Variants in GET1 observed in about 807,000 individuals in gnomAD.
GET1 encodes guided entry of tail-anchored proteins factor 1, also known as congenital heart disease 5 protein.
In GET1, 20 loss-of-function variants were observed where a neutral mutation model predicts 22.6. The observed-to-expected ratio is 0.89, with a 90% confidence interval of 0.62 to 1.29. The LOEUF is 1.29. GET1 is among the 50% of genes most tolerant of loss of function. The pLI is 0.00. For missense variants in GET1, 209 were observed against 219.9 expected (o/e 0.95, Z 0.31); for synonymous variants, 92 against 83.8 (o/e 1.10, Z -0.53).
chr21:39,411,946 C>T (rs2040156489), intron 1 of GET1: 2 of 535,724 alleles, frequency 3.7e-6, no homozygotes, highest in Non-Finnish European at 6.8e-6. Context: ...CCATATCATC[C>T]TATACCATTC....
chr21:39,409,654 A>G (rs914035044), downstream of GET1, among the ~76,000 whole-genome samples: 1 of 152,038 alleles, frequency 6.6e-6, no homozygotes, highest in African/African-American at 2.4e-5. This position sits in a 1 kb window ranked among gnomAD's most constrained non-coding sequence, Gnocchi z 4.2. Context: ...GTGCAGTGGC[A>G]CGATCTTGGC....
At chr21:39,396,249 G>T (rs935575515) in intron 4 of GET1, among the ~76,000 whole-genome samples, 1 of 152,076 alleles carries the variant, frequency 6.6e-6, no homozygotes, top group South Asian at 2.1e-4. Flanking sequence ...TACAAAATTA[G>T]CCGGGTGTCG....
At chr21:39,396,112 C>T (rs1328485266) in intron 4 of GET1, among the ~76,000 whole-genome samples, 1 of 152,118 alleles carries the variant, frequency 6.6e-6, no homozygotes, top group Non-Finnish European at 1.5e-5. Context: ...GTGACAAATT[C>T]GGGCTGGGAA....
chr21:39,398,154 G>C (rs1168270336), downstream of GET1, among the ~76,000 whole-genome samples: 1 of 152,212 alleles, frequency 6.6e-6, no homozygotes, highest in African/African-American at 2.4e-5. Flanking sequence ...CTGGACACCA[G>C]CTTCCAGTGT....
chr21:39,408,166 C>CA (rs1424111685), downstream of GET1, among the ~76,000 whole-genome samples: 1 of 152,184 alleles, frequency 6.6e-6, no homozygotes, highest in African/African-American at 2.4e-5. Flanking sequence ...GGTAATGTAA[C>CA]ATGAAAACAA....
At chr21:39,422,603 T>A in intron 1 of GET1, 1 of 321,466 alleles carries the variant, frequency 3.1e-6, no homozygotes, top group Non-Finnish European at 5.6e-6. Context: ...ATCAACAGTT[T>A]AAGGTAGAGG....
chr21:39,383,237 T>A (rs553721590), intron 1 of GET1, among the ~76,000 whole-genome samples: 1,840 of 149,816 alleles, frequency 0.012, 18 homozygotes, highest in Middle Eastern at 0.022. Flanking sequence ...TACAGGCTTG[T>A]GCCACCGCGC....
intron 1 of GET1, among the ~76,000 whole-genome samples, chr21:39,416,536 T>TA (rs2041191125): frequency 6.6e-6 from 1 of 152,212 alleles, no homozygotes; most frequent in Admixed American, 6.5e-5. Flanking sequence ...ATATGGAACT[T>TA]ACAGACCATA....
chr21:39,384,102 T>C (rs920494442), intron 1 of GET1, among the ~76,000 whole-genome samples: 1 of 152,000 alleles, frequency 6.6e-6, no homozygotes, highest in Non-Finnish European at 1.5e-5. Flanking sequence ...CATTTTAGTT[T>C]TGATTTGCAT....
At chr21:39,380,714 C>T (rs2037502754) in intron 1 of GET1, 2 of 1,294,458 alleles carry the variant, frequency 1.5e-6, no homozygotes, top group Non-Finnish European at 2.0e-6. Context: ...CCGGGCAACC[C>T]TGGACTCTTC....
chr21:39,409,767 A>G (rs140310040), downstream of GET1, among the ~76,000 whole-genome samples: 1,069 of 152,008 alleles, frequency 7.0e-3, 3 homozygotes, highest in Non-Finnish European at 0.011. The surrounding 1 kb of genome is among the most constrained non-coding windows in gnomAD (Gnocchi z 4.2). Context: ...TAAGTTTTGT[A>G]TTTTTTAGTA....
intron 1 of GET1, among the ~76,000 whole-genome samples, chr21:39,382,085 C>T (rs1188535161): frequency 1.3e-5 from 2 of 149,688 alleles, no homozygotes; most frequent in African/African-American, 4.9e-5. Context: ...GACAGAGTCT[C>T]ACTCTGTTGC....
intron 1 of GET1, among the ~76,000 whole-genome samples, chr21:39,427,153 C>T (rs1415195348): frequency 1.3e-5 from 2 of 152,148 alleles, no homozygotes; most frequent in African/African-American, 4.8e-5. Flanking sequence ...AACAGCAGGC[C>T]CTTTATTGTC....
intron 1 of GET1, chr21:39,380,759 G>A: frequency 8.6e-7 from 1 of 1,167,906 alleles, no homozygotes; most frequent in Non-Finnish European, 1.1e-6. Flanking sequence ...CTCACACTGG[G>A]AGTTCCTAGT....
rs144572409 is a variant in GET1, at chr21:39,390,902, G to A, written c.268+39G>A. ...TGCAGCCTGGAGGCTTCATGAGAGCGGATGAATAGAGAAGTCTGTATGTGA... is the reference window on the plus strand; with the variant it reads ...TGCAGCCTGGAGGCTTCATGAGAGCAGATGAATAGAGAAGTCTGTATGTGA... On this transcript the variant is annotated intron_variant, in intron 2 of 4. Coordinates refer to ENST00000649170, the MANE Select transcript of GET1 (RefSeq NM_004627.6). The A allele has an allele frequency of 3.0e-4, 482 of 1,607,970 alleles. 5 individuals are homozygous for A. The African/African-American group carries it at 4.9e-3, about 16-fold the overall frequency.
At position 39,391,767 on chromosome 21, in the gene GET1, A is replaced by C; in HGVS notation, c.269-2A>C. On this transcript the variant is annotated splice_acceptor_variant, in intron 2 of 4. Transcript: ENST00000649170. LOFTEE classifies it high-confidence loss of function. ...AATTATTTATCCTGTTTTTCCTTTCAGTGAAAGCTCGGACAGCTCAATTAG... is the reference window on the plus strand; with the variant it reads ...AATTATTTATCCTGTTTTTCCTTTCCGTGAAAGCTCGGACAGCTCAATTAG... 6.2e-7 allele frequency: 1 copy of C among 1,613,642 alleles called. No individual in the cohort carries two copies. Among genetic ancestry groups the C allele is most frequent in the Non-Finnish European group, 8.5e-7 (1 of 1,179,838 alleles).
intron 1 of GET1, among the ~76,000 whole-genome samples, chr21:39,412,519 A>C (rs2040267264): frequency 6.6e-6 from 1 of 152,156 alleles, no homozygotes; most frequent in Admixed American, 6.5e-5. Flanking sequence ...TTTTAGTAAC[A>C]ACCATGGTTA....
intron 4 of GET1, among the ~76,000 whole-genome samples, chr21:39,393,790 C>T (rs1332099205): frequency 6.6e-6 from 1 of 152,056 alleles, no homozygotes; most frequent in Non-Finnish European, 1.5e-5. Flanking sequence ...GCTGAAATTA[C>T]AGGCATGCAC....
intron 1 of GET1, among the ~76,000 whole-genome samples, chr21:39,425,157 A>G (rs935683255): frequency 1.3e-5 from 2 of 152,214 alleles, no homozygotes; most frequent in African/African-American, 4.8e-5. Context: ...TAAACTCTAA[A>G]AATGTCTGAT....
Sources: gnomAD v4.1 joint callset for allele counts (sites outside exome capture counted in the v4.1 genomes callset) on GRCh38, gnomAD v4.1.1 for gene constraint, Gnocchi (gnomAD v3.1) non-coding constraint, MANE v1.5 for transcripts, NCBI Gene and HGNC (gene_info 2026-07-23, HGNC 2026-07-21) for gene names.